KCNH8: variants seen among roughly 807,000 people sequenced by gnomAD.
KCNH8 encodes the protein potassium voltage-gated channel subfamily H member 8.
Under a neutral mutation model 103.6 loss-of-function variants are expected in KCNH8, and 70 were observed. That is an observed-to-expected ratio of 0.68 (90% CI 0.56 to 0.82). The LOEUF is 0.82. KCNH8 is among the 40% of genes least tolerant of loss of function. The pLI, the probability that KCNH8 is intolerant of heterozygous loss-of-function variation, is 0.00. For synonymous variants in KCNH8, 498 were observed against 489.4 expected (o/e 1.02, Z -0.23); for missense variants, 1,217 against 1,329.9 (o/e 0.92, Z 1.32).
intron 2 of KCNH8, among the ~76,000 whole-genome samples, chr3:19,273,141 C>A (rs1406856413): frequency 6.6e-6 from 1 of 152,186 alleles, no homozygotes; most frequent in Admixed American, 6.5e-5. Flanking sequence ...TTTATTGGAA[C>A]CAACAATTAT....
intron 11 of KCNH8, among the ~76,000 whole-genome samples, chr3:19,508,987 G>C (rs566478151): frequency 6.6e-6 from 1 of 152,162 alleles, no homozygotes. Context: ...ATGTTCTTCT[G>C]TAATCCAAGC....
At chr3:19,502,996 C>T (rs1357036543) in intron 11 of KCNH8, among the ~76,000 whole-genome samples, 2 of 151,878 alleles carry the variant, frequency 1.3e-5, no homozygotes, top group Non-Finnish European at 2.9e-5. Context: ...AGGCAACCTA[C>T]AAAATGGGAG....
intron 5 of KCNH8, among the ~76,000 whole-genome samples, chr3:19,367,955 A>T (rs756301389): frequency 4.6e-5 from 7 of 152,036 alleles, no homozygotes; most frequent in Non-Finnish European, 8.8e-5. Context: ...TCTAAATGCT[A>T]GGTGTTAGGA....
chr3:19,151,844 A>G (rs1205636601), intron 1 of KCNH8, among the ~76,000 whole-genome samples: 1 of 152,000 alleles, frequency 6.6e-6, no homozygotes, highest in African/African-American at 2.4e-5. Context: ...ATTTGCAACC[A>G]TTATTGAAAA....
intron 3 of KCNH8, among the ~76,000 whole-genome samples, chr3:19,302,064 G>T (rs538971991): frequency 7.2e-4 from 109 of 152,176 alleles, no homozygotes; most frequent in Non-Finnish European, 1.3e-3. Context: ...TGGCGGTTCC[G>T]TTATGTAACT....
intron 7 of KCNH8, among the ~76,000 whole-genome samples, chr3:19,432,456 G>A (rs1285301024): frequency 6.6e-6 from 1 of 152,160 alleles, no homozygotes; most frequent in East Asian, 1.9e-4. Context: ...GAAATTTGGG[G>A]CAGATTATTA....
Position 19,183,791 on chromosome 3 carries a change from A to G in KCNH8, c.76+34996A>G, listed in dbSNP as rs2063478173. Among the ~76,000 whole-genome samples the G allele has an allele frequency of 1.3e-5, 2 of 152,148 alleles. 1 individual carries two copies. Among genetic ancestry groups the G allele is most frequent in the South Asian group, 4.1e-4 (2 of 4,834 alleles). On this transcript the variant is annotated intron_variant, in intron 1 of 15. Coordinates refer to ENST00000328405, the MANE Select transcript of KCNH8 (RefSeq NM_144633.3). ...GTCTAAAAGAGAAATGGACCAACGC[A>G]ATTCACAGAGGAGGAAACTCTAGCG...
At chr3:19,258,947 C>CTCTATATATATATATA (rs1321918245) in intron 2 of KCNH8, among the ~76,000 whole-genome samples, 18 of 24,800 alleles carry the variant, frequency 7.3e-4, no homozygotes, top group Non-Finnish European at 8.0e-4. Flanking sequence ...CTCTCTCTCT[C>CTCTATATATATATATA]TATATATATA....
chr3:19,445,516 A>G (rs375785664), intron 8 of KCNH8, among the ~76,000 whole-genome samples: 5 of 152,100 alleles, frequency 3.3e-5, no homozygotes, highest in South Asian at 4.1e-4. Flanking sequence ...GTAAAATTTT[A>G]ATAGATGAGC....
At chr3:19,242,999 T>C (rs1208037626) in intron 1 of KCNH8, among the ~76,000 whole-genome samples, 2 of 152,220 alleles carry the variant, frequency 1.3e-5, no homozygotes, top group Non-Finnish European at 2.9e-5. Flanking sequence ...ACTTGCTGTT[T>C]AGCATTGTTA....
At chr3:19,214,640 T>C (rs2063801807) in intron 1 of KCNH8, among the ~76,000 whole-genome samples, 1 of 152,234 alleles carries the variant, frequency 6.6e-6, no homozygotes, top group Admixed American at 6.5e-5. Context: ...CTGCTTCCCT[T>C]ATTCTCTTAT....
chr3:19,315,129 G>T (rs1187800833), intron 3 of KCNH8, among the ~76,000 whole-genome samples: 3 of 151,928 alleles, frequency 2.0e-5, no homozygotes, highest in Non-Finnish European at 2.9e-5. Context: ...TCACAAAAGT[G>T]ATCATGTTCT....
At chr3:19,351,833 A>G (rs11720477) in intron 5 of KCNH8, among the ~76,000 whole-genome samples, 46,084 of 152,008 alleles carry the variant, frequency 0.3, 7,714 homozygotes, top group African/African-American at 0.45. Context: ...GTCAACTAAC[A>G]AGCAAAATAA....
chr3:19,215,323 G>T (rs1325788053), intron 1 of KCNH8, among the ~76,000 whole-genome samples: 2 of 152,080 alleles, frequency 1.3e-5, no homozygotes, highest in East Asian at 3.9e-4. Context: ...ATAATTTCTG[G>T]CACCACACAC....
At chr3:19,351,693 T>A (rs2065804441) in intron 5 of KCNH8, among the ~76,000 whole-genome samples, 1 of 152,032 alleles carries the variant, frequency 6.6e-6, no homozygotes, top group Non-Finnish European at 1.5e-5. Context: ...GCTGAGAGAT[T>A]TTTGTCACCA....
At chr3:19,488,549 C>T (rs1172676747) in intron 11 of KCNH8, among the ~76,000 whole-genome samples, 6 of 152,172 alleles carry the variant, frequency 3.9e-5, no homozygotes, top group Admixed American at 6.5e-5. Flanking sequence ...AGTGTACATA[C>T]GGTAAGCCTC....
chr3:19,184,522 A>T (rs530784838), intron 1 of KCNH8, among the ~76,000 whole-genome samples: 1 of 152,152 alleles, frequency 6.6e-6, no homozygotes, highest in East Asian at 1.9e-4. Context: ...TTAACGTTTA[A>T]TAAGGCTGGC....
At chr3:19,321,335 C>T (rs1447351416) in intron 3 of KCNH8, among the ~76,000 whole-genome samples, 1 of 151,994 alleles carries the variant, frequency 6.6e-6, no homozygotes, top group Non-Finnish European at 1.5e-5. Flanking sequence ...ATGAACTTTT[C>T]TCTTAGCACT....
chr3:19,170,803 TA>T (rs2063339987), intron 1 of KCNH8, among the ~76,000 whole-genome samples: 10 of 115,976 alleles, frequency 8.6e-5, no homozygotes, highest in African/African-American at 4.0e-4. Flanking sequence ...TATATATATA[TA>T]TATATATTTT....
Sources: allele counts gnomAD v4.1 joint callset (sites outside exome capture counted in the v4.1 genomes callset), GRCh38; gene constraint gnomAD v4.1.1; transcripts MANE v1.5; gene names NCBI Gene and HGNC (gene_info 2026-07-23, HGNC 2026-07-21).